FOXN3: variants seen among roughly 807,000 people sequenced by gnomAD.
The protein encoded by FOXN3 is forkhead box protein N3.
FOXN3 carries 7 observed loss-of-function variants against 38.4 expected under a neutral mutation model. The observed-to-expected ratio is 0.18, with a 90% CI of 0.10 to 0.34. The LOEUF (loss-of-function observed/expected upper bound fraction) is 0.34, where lower values mean the gene tolerates loss of function less well. Ranked by LOEUF, FOXN3 falls within the 10% of genes least tolerant of loss-of-function variation. The pLI is 1.00. For synonymous variants in FOXN3, 230 were observed against 242.2 expected, an observed-to-expected ratio of 0.95 and a Z score of 0.47; for missense variants, 456 against 613.4, an observed-to-expected ratio of 0.74 and a Z score of 2.71.
intron 3 of FOXN3, chr14:89,333,272 C>CA (rs143919360): frequency 0.49 from 75,228 of 152,008 alleles, 20,043 homozygotes; most frequent in Admixed American, 0.59. Context: ...AATAAAAATA[C>CA]AAAAAAAAAT....
At chr14:89,309,005 G>A (rs532813907) in intron 3 of FOXN3, among the ~76,000 whole-genome samples, 7 of 152,332 alleles carry the variant, frequency 4.6e-5, no homozygotes, top group East Asian at 3.9e-4. Context: ...CTGGCCGCAC[G>A]GTGGTCTGGG....
chr14:89,185,217 G>A (rs1887773068), intron 4 of FOXN3, among the ~76,000 whole-genome samples: 1 of 152,178 alleles, frequency 6.6e-6, no homozygotes, highest in African/African-American at 2.4e-5. Flanking sequence ...ATGTGCTCGT[G>A]TTTGCTCACC....
intron 4 of FOXN3, among the ~76,000 whole-genome samples, chr14:89,254,365 C>A (rs1163662808): frequency 6.6e-6 from 1 of 152,144 alleles, no homozygotes; most frequent in Non-Finnish European, 1.5e-5. Context: ...TGTTCCCTAA[C>A]CAGGGACTCA....
intron 2 of FOXN3, 95 bp from the exon 3 acceptor site, chr14:89,350,903 A>G (rs1888940238): frequency 1.0e-6 from 1 of 966,842 alleles, no homozygotes; most frequent in Non-Finnish European, 1.4e-6. Flanking sequence ...CTTTATTTTT[A>G]AAAGCTTCTC....
intron 1 of FOXN3, among the ~76,000 whole-genome samples, chr14:89,608,448 C>T (rs1424221959): frequency 1.3e-5 from 2 of 151,052 alleles, no homozygotes. Flanking sequence ...CCTATACATG[C>T]TATCTTATAA....
chr14:89,506,464 C>T (rs1288437873), intron 1 of FOXN3, among the ~76,000 whole-genome samples: 1 of 144,866 alleles, frequency 6.9e-6, no homozygotes, highest in Non-Finnish European at 1.5e-5. Flanking sequence ...GGGGGGTCAG[C>T]CCCCCACCCG....
chr14:89,430,359 A>G (rs918845553), intron 1 of FOXN3, among the ~76,000 whole-genome samples: 3 of 152,202 alleles, frequency 2.0e-5, no homozygotes, highest in African/African-American at 7.2e-5. Context: ...TTTCCTTCAA[A>G]CTTACAATCT....
chr14:89,188,974 T>C (rs1382649611), intron 4 of FOXN3, among the ~76,000 whole-genome samples: 1 of 152,172 alleles, frequency 6.6e-6, no homozygotes. Context: ...GGTGTTTGCA[T>C]GTCAGAGGTG....
intron 1 of FOXN3, among the ~76,000 whole-genome samples, chr14:89,474,637 C>G (rs1893173070): frequency 6.6e-6 from 1 of 152,044 alleles, no homozygotes; most frequent in South Asian, 2.1e-4. Flanking sequence ...CTCAAGCTGT[C>G]TAATAAAATA....
intron 5 of FOXN3, among the ~76,000 whole-genome samples, chr14:89,180,170 G>A (rs953337410): frequency 6.6e-5 from 10 of 152,252 alleles, no homozygotes; most frequent in African/African-American, 2.2e-4. Context: ...AAGGGTTCAT[G>A]CGGTTTGGCA....
chr14:89,434,697 A>G (rs1168256556), intron 1 of FOXN3, among the ~76,000 whole-genome samples: 4 of 152,080 alleles, frequency 2.6e-5, no homozygotes, highest in Non-Finnish European at 5.9e-5. Context: ...TTTTTCTCCA[A>G]TCCTCACCCT....
chr14:89,519,548 C>T lies in FOXN3; in HGVS notation c.-15+99480G>A, dbSNP rs190777001. ...TAGGAAGTTTGGGCAAAGCTGTTGG[C>T]GACGATTTGGAGGAGAGAGTCTGGA... On this transcript the variant is annotated intron_variant, in intron 1 of 6. Transcript: ENST00000345097. Among the ~76,000 whole-genome samples, 22 of 131,624 alleles carry T rather than the reference C, an allele frequency of 1.7e-4. No individual in the cohort carries two copies. The East Asian group carries it at 2.6e-3, about 15-fold the overall frequency. 86.4% of individuals were successfully genotyped at this position (131,624 alleles called of 152,430 possible). A position where few individuals can be genotyped will look rare whatever the true frequency, so the allele number is the denominator to read the frequency against.
chr14:89,423,144 G>T (rs1891951629), intron 1 of FOXN3, among the ~76,000 whole-genome samples: 1 of 152,198 alleles, frequency 6.6e-6, no homozygotes, highest in African/African-American at 2.4e-5. Context: ...AGGTCTATGA[G>T]CATTTATAAA....
chr14:89,413,710 G>A (rs1472054241), intron 1 of FOXN3, among the ~76,000 whole-genome samples: 36 of 143,614 alleles, frequency 2.5e-4, no homozygotes, highest in African/African-American at 8.9e-4. Context: ...AAGGGGGAAG[G>A]GAACGGAAGA....
intron 1 of FOXN3, among the ~76,000 whole-genome samples, chr14:89,556,407 A>AG (rs965733481): frequency 2.0e-5 from 3 of 151,674 alleles, no homozygotes; most frequent in African/African-American, 7.3e-5. Flanking sequence ...CCATCTCAAA[A>AG]AAAAAAAAAA....
chr14:89,285,704 G>A (rs955328475), intron 3 of FOXN3, among the ~76,000 whole-genome samples: 13 of 152,162 alleles, frequency 8.5e-5, no homozygotes, highest in Admixed American at 7.2e-4. Flanking sequence ...GAGGCTCATG[G>A]AAGGAGGAGT....
intron 4 of FOXN3, among the ~76,000 whole-genome samples, chr14:89,204,350 T>G (rs758729514): frequency 1.7e-4 from 25 of 151,510 alleles, no homozygotes; most frequent in Non-Finnish European, 2.8e-4. Context: ...CTAAAGTGAA[T>G]TCGGGGGCTG....
chr14:89,588,947 A>C (rs1596326144), intron 1 of FOXN3, among the ~76,000 whole-genome samples: 3 of 152,284 alleles, frequency 2.0e-5, no homozygotes, highest in Admixed American at 2.0e-4. Flanking sequence ...AATCAAACAC[A>C]CATCTTTTAA....
chr14:89,196,889 A>T (rs540981881), intron 4 of FOXN3, among the ~76,000 whole-genome samples: 2 of 152,322 alleles, frequency 1.3e-5, no homozygotes, highest in East Asian at 3.9e-4. Context: ...CCCTGGTTCA[A>T]TCCACACTGC....
Sources: gnomAD v4.1 joint callset for allele counts (sites outside exome capture counted in the v4.1 genomes callset) on GRCh38, gnomAD v4.1.1 for gene constraint, MANE v1.5 for transcripts, NCBI Gene and HGNC (gene_info 2026-07-23, HGNC 2026-07-21) for gene names.